CMTM4: variants seen among roughly 807,000 people sequenced by gnomAD.
The protein encoded by CMTM4 is CKLF-like MARVEL transmembrane domain-containing protein 4.
A neutral mutation model predicts 19.0 loss-of-function variants in CMTM4; 8 were observed. The observed-to-expected ratio is 0.42, with a 90% CI of 0.25 to 0.76. The LOEUF is 0.76. Ranked by LOEUF, CMTM4 falls within the 30% of genes least tolerant of loss-of-function variation. The pLI is 0.27. For synonymous variants in CMTM4, 106 were observed against 121.1 expected (o/e 0.88, Z 0.82); for missense variants, 228 against 290.2 (o/e 0.79, Z 1.56).
downstream of CMTM4, chr16:66,612,716 C>A: frequency 7.0e-7 from 1 of 1,435,236 alleles, no homozygotes; most frequent in Non-Finnish European, 9.8e-7. The surrounding 1 kb of genome is among the most constrained non-coding windows in gnomAD (Gnocchi z 6.0). Flanking sequence ...GGCGTTGGAG[C>A]GGAGGCCTGG....
At chr16:66,652,290 C>T (rs1277509551) in intron 1 of CMTM4, among the ~76,000 whole-genome samples, 4 of 152,120 alleles carry the variant, frequency 2.6e-5, no homozygotes, top group Non-Finnish European at 4.4e-5. Flanking sequence ...AAAGAAAGCC[C>T]GCCAGCCTCC....
intron 1 of CMTM4, among the ~76,000 whole-genome samples, chr16:66,695,829 C>A (rs911469259): frequency 3.3e-5 from 5 of 152,182 alleles, no homozygotes; most frequent in Admixed American, 3.3e-4. Context: ...TGCATCAGGG[C>A]TACCTGCCTC....
Position 66,616,197 on chromosome 16 carries a change from T to G in CMTM4, c.*5861A>C, listed in dbSNP as rs1042749874. 9 of 152,286 alleles carry G rather than the reference T, an allele frequency of 5.9e-5. No individual in the cohort carries two copies. The highest frequency in any genetic ancestry group is 2.2e-4 in the African/African-American group (9 of 41,550). 9.4% of individuals were successfully genotyped at this position (152,286 alleles called of 1,614,324 possible). On this transcript the variant is annotated 3_prime_UTR_variant, in exon 4 of 4. Coordinates refer to ENST00000394106, the MANE Select transcript of CMTM4 (RefSeq NM_181521.3). ...ATGTACATCTTTTTTTCCAATTCCATGATTGACAAGAGTGCTTATGCGACG... is the reference window on the plus strand; with the variant it reads ...ATGTACATCTTTTTTTCCAATTCCAGGATTGACAAGAGTGCTTATGCGACG...
At position 66,648,958 on chromosome 16, in the gene CMTM4, C is replaced by A. The variant is rs540722163; in HGVS notation, c.187-12377G>T. 2.6e-3 allele frequency among the ~76,000 whole-genome samples: 397 copies of A among 152,014 alleles called. 1 individual carries two copies. The highest frequency in any genetic ancestry group is 9.3e-3 in the African/African-American group (385 of 41,460). ...CTGCACTCCAGCCTGGCTGACAGAG[C>A]GAGACTCTGTCAAAAAAAGAAAAGA... On this transcript the variant is annotated intron_variant, in intron 1 of 3. Coordinates refer to ENST00000394106, the MANE Select transcript of CMTM4 (RefSeq NM_181521.3).
chr16:66,633,927 C>A (rs1053383479), intron 2 of CMTM4, among the ~76,000 whole-genome samples: 1 of 151,918 alleles, frequency 6.6e-6, no homozygotes, highest in Non-Finnish European at 1.5e-5. Flanking sequence ...AAGTCTAGAA[C>A]GGATCCCAAA....
intron 2 of CMTM4, among the ~76,000 whole-genome samples, chr16:66,634,115 G>C (rs2015940405): frequency 6.6e-6 from 1 of 152,082 alleles, no homozygotes; most frequent in Non-Finnish European, 1.5e-5. Flanking sequence ...GATTAAAATA[G>C]AAAAAGCAGA....
chr16:66,696,400 G>T lies in CMTM4; in HGVS notation c.126C>A (p.Gly42=). Reference sequence around the variant, plus strand: ...GCAGGTAGTCGGGGTCGCAGCGCAGGCCGGCCAGCCCGCGGCGCTGGCTCA... The same window carrying T: ...GCAGGTAGTCGGGGTCGCAGCGCAGTCCGGCCAGCCCGCGGCGCTGGCTCA... ...EPVSQRRGLA[G]LRCDPDYLRG... Residue 42 remains glycine, a synonymous_variant, in exon 1 of 4, where the codon GGC becomes GGA. Coordinates refer to ENST00000394106, the MANE Select transcript of CMTM4 (RefSeq NM_181521.3). The surrounding 1 kb of genome is among the most constrained non-coding windows in gnomAD (Gnocchi z 4.3). 2.1e-6 allele frequency: 3 copies of T among 1,413,700 alleles called. No homozygotes were observed. The highest frequency in any genetic ancestry group is 2.8e-6 in the Non-Finnish European group (3 of 1,085,338). 87.6% of individuals were successfully genotyped at this position (1,413,700 alleles called of 1,614,324 possible).
At position 66,621,915 on chromosome 16, in the gene CMTM4, C is replaced by T. The variant is rs192304807; in HGVS notation, c.*143G>A. 2.8e-6 allele frequency: 4 copies of T among 1,441,544 alleles called. No individual in the cohort carries two copies. Among genetic ancestry groups the T allele is most frequent in the South Asian group, 1.4e-5 (1 of 69,038 alleles). 89.3% of individuals were successfully genotyped at this position (1,441,544 alleles called of 1,614,324 possible). A position where few individuals can be genotyped will look rare whatever the true frequency, so the allele number is the denominator to read the frequency against. ...CCGCGGACCCGCCCACTGGGCCACT[C>T]GGGAAACCCTTTCCCAAAATGAACT... is the stretch of plus-strand genomic sequence containing the variant. On this transcript the variant is annotated 3_prime_UTR_variant, in exon 4 of 4. Transcript: ENST00000394106.
the CMTM4 span, among the ~76,000 whole-genome samples, chr16:66,607,000 G>C: frequency 6.6e-6 from 1 of 152,160 alleles, no homozygotes; most frequent in Admixed American, 6.5e-5. Flanking sequence ...TCTCTGGGGC[G>C]GAGGTAAGAT....
At chr16:66,656,629 A>C (rs1049774466) in intron 1 of CMTM4, among the ~76,000 whole-genome samples, 5 of 152,048 alleles carry the variant, frequency 3.3e-5, no homozygotes, top group Non-Finnish European at 7.4e-5. Context: ...CCCACACACA[A>C]AAAAATACTT....
At position 66,621,100 on chromosome 16, in the gene CMTM4, CTTTGCAGGCAT is replaced by C. The variant is rs2015625424; in HGVS notation, c.*947_*957del. ...ATCTGCTCAGAATCATTTTAGAACT[CTTTGCAGGCAT>C]TTAGAAAATTAGCACACATCCCTAA... On this transcript the variant is annotated 3_prime_UTR_variant, in exon 4 of 4. Transcript: ENST00000394106. 12 of 985,888 alleles carry C rather than the reference CTTTGCAGGCAT, an allele frequency of 1.2e-5. No homozygotes were observed. The highest frequency in any genetic ancestry group is 1.4e-5 in the Non-Finnish European group (12 of 829,940). 61.1% of individuals were successfully genotyped at this position (985,888 alleles called of 1,614,324 possible). A position where few individuals can be genotyped will look rare whatever the true frequency, so the allele number is the denominator to read the frequency against.
the CMTM4 span, chr16:66,604,384 T>A: frequency 6.4e-6 from 1 of 157,118 alleles, no homozygotes; most frequent in South Asian, 2.0e-4. Context: ...GTCTTTGCTG[T>A]TTAGACGCCT....
chr16:66,677,936 C>T (rs1344630666), intron 1 of CMTM4, among the ~76,000 whole-genome samples: 1 of 152,140 alleles, frequency 6.6e-6, no homozygotes, highest in African/African-American at 2.4e-5. Flanking sequence ...GACCTCAGGT[C>T]ATTTGCCCGC....
At chr16:66,612,727 A>T (rs2015428692), downstream of CMTM4, 16 of 1,320,684 alleles carry the variant, frequency 1.2e-5, no homozygotes, top group South Asian at 1.2e-4. This position sits in a 1 kb window ranked among gnomAD's most constrained non-coding sequence, Gnocchi z 6.0. Flanking sequence ...GGAGGCCTGG[A>T]CTTCTGAGTT....
chr16:66,610,541 G>C (rs975409398), downstream of CMTM4, among the ~76,000 whole-genome samples: 1 of 152,208 alleles, frequency 6.6e-6, no homozygotes, highest in Admixed American at 6.5e-5. This position sits in a 1 kb window ranked among gnomAD's most constrained non-coding sequence, Gnocchi z 4.6. Flanking sequence ...CCCACGCTGG[G>C]TGTCAGCTGG....
rs943452443 is a variant in CMTM4 at position 66,614,759 on chromosome 16, G to A, written c.*7299C>T. 6 of 152,290 alleles carry A rather than the reference G, an allele frequency of 3.9e-5. No individual in the cohort carries two copies. Among genetic ancestry groups the A allele is most frequent in the Non-Finnish European group, 5.9e-5 (4 of 68,026 alleles). 9.4% of individuals were successfully genotyped at this position (152,290 alleles called of 1,614,324 possible). On this transcript the variant is annotated 3_prime_UTR_variant, in exon 4 of 4. Coordinates refer to ENST00000394106, the MANE Select transcript of CMTM4 (RefSeq NM_181521.3). The surrounding 1 kb of genome is among the most constrained non-coding windows in gnomAD (Gnocchi z 4.9). ...AGGAGAGACAACGACATCCTTACAC[G>A]TCCATTTATTAAACAAGTTCCTTCA...
chr16:66,620,168 C>T lies in CMTM4; in HGVS notation c.*1890G>A. Reference sequence around the variant, plus strand: ...TCTGATAAAGCTCAGGATGGTCCTTCCAAGTGGGCCCCATTTAATGCAAGG... The same window carrying T: ...TCTGATAAAGCTCAGGATGGTCCTTTCAAGTGGGCCCCATTTAATGCAAGG... On this transcript the variant is annotated 3_prime_UTR_variant, in exon 4 of 4. Coordinates refer to ENST00000394106, the MANE Select transcript of CMTM4 (RefSeq NM_181521.3). The T allele has an allele frequency of 1.0e-6, 1 of 985,476 alleles. No individual in the cohort carries two copies. The highest frequency in any genetic ancestry group is 1.2e-6 in the Non-Finnish European group (1 of 829,942). The allele number at this position is 985,476 out of a possible 1,614,324, so 61.0% of individuals were successfully genotyped here. A position where few individuals can be genotyped will look rare whatever the true frequency, so the allele number is the denominator to read the frequency against.
At chr16:66,612,158 T>C (rs1156654469), downstream of CMTM4, among the ~76,000 whole-genome samples, 1 of 152,178 alleles carries the variant, frequency 6.6e-6, no homozygotes, top group African/African-American at 2.4e-5. The surrounding 1 kb of genome is among the most constrained non-coding windows in gnomAD (Gnocchi z 6.0). Flanking sequence ...CTCACGCCTG[T>C]TACCCCAGCA....
intron 1 of CMTM4, among the ~76,000 whole-genome samples, chr16:66,692,416 G>T (rs2144929998): frequency 6.6e-6 from 1 of 152,268 alleles, no homozygotes; most frequent in South Asian, 2.1e-4. Flanking sequence ...ATATAGAAAG[G>T]TAAGTCTCAA....
Sources: allele counts gnomAD v4.1 joint callset (sites outside exome capture counted in the v4.1 genomes callset), GRCh38; gene constraint gnomAD v4.1.1; non-coding constraint Gnocchi (gnomAD v3.1); transcripts MANE v1.5; gene names NCBI Gene and HGNC (gene_info 2026-07-23, HGNC 2026-07-21).